ARHGEF3: variants seen among roughly 807,000 people sequenced by gnomAD.
ARHGEF3 encodes Rho guanine nucleotide exchange factor 3, also known as 59.8 kDA protein.
In ARHGEF3, 28 loss-of-function variants were observed where a neutral mutation model predicts 63.2. That is an observed-to-expected ratio of 0.44 (90% CI 0.33 to 0.61). The LOEUF is 0.61. ARHGEF3 is among the 20% of genes least tolerant of loss of function. ARHGEF3 has a pLI of 0.03. For synonymous variants in ARHGEF3, 266 were observed against 254.2 expected (o/e 1.05, Z -0.44); for missense variants, 533 against 659.3 (o/e 0.81, Z 2.10).
chr3:56,988,675 G>A (rs997452814), intron 2 of ARHGEF3, among the ~76,000 whole-genome samples: 2 of 152,162 alleles, frequency 1.3e-5, no homozygotes, highest in East Asian at 3.8e-4. Context: ...TCTGGTTTTT[G>A]CAACTGTCTC....
intron 1 of ARHGEF3, among the ~76,000 whole-genome samples, chr3:56,774,074 C>T (rs1281796755): frequency 6.6e-6 from 1 of 152,146 alleles, no homozygotes; most frequent in East Asian, 1.9e-4. Context: ...CTCCTTATCC[C>T]TCACCCCCAG....
At chr3:56,785,993 C>T (rs564888743) in intron 1 of ARHGEF3, among the ~76,000 whole-genome samples, 18 of 152,264 alleles carry the variant, frequency 1.2e-4, no homozygotes, top group African/African-American at 4.3e-4. Flanking sequence ...GAAAGAAACA[C>T]AAAATATGTT....
chr3:56,859,840 G>A (rs934031822), intron 4 of ARHGEF3, among the ~76,000 whole-genome samples: 8 of 151,600 alleles, frequency 5.3e-5, no homozygotes, highest in Non-Finnish European at 8.8e-5. Flanking sequence ...ACCCAGCCCC[G>A]TTGGTACACT....
chr3:57,009,126 G>A (rs72624860), intron 2 of ARHGEF3, among the ~76,000 whole-genome samples: 22,538 of 152,258 alleles, frequency 0.15, 2,031 homozygotes, highest in East Asian at 0.34. Context: ...CTGGCCCTGT[G>A]AGCCTCAAGT....
In ARHGEF3 at chr3:56,733,484, GA is replaced by G. The variant is rs202134427; in HGVS notation, c.1042-1061del. Among the ~76,000 whole-genome samples, 660 of 150,216 alleles carry G rather than the reference GA, an allele frequency of 4.4e-3. 2 individuals carry two copies. The highest frequency in any genetic ancestry group is 0.015 in the African/African-American group (626 of 40,854). ...GAGCAAGACTGTTTAAAAAAAAAAA[GA>G]AAAAAATTCTAAAAGATCAAAATTA... On this transcript the variant is annotated intron_variant, in intron 8 of 9. Transcript: ENST00000296315.
At chr3:56,880,220 G>C (rs2040721997) in intron 4 of ARHGEF3, among the ~76,000 whole-genome samples, 1 of 152,208 alleles carries the variant, frequency 6.6e-6, no homozygotes, top group Non-Finnish European at 1.5e-5. Context: ...CCTAAGCATA[G>C]GGATCGGCCA....
chr3:56,939,448 A>C (rs561580810), intron 3 of ARHGEF3, among the ~76,000 whole-genome samples: 38 of 152,350 alleles, frequency 2.5e-4, no homozygotes, highest in African/African-American at 9.1e-4. Flanking sequence ...ATTTCAATGA[A>C]CAGTCATCAA....
At chr3:57,027,773 C>A (rs187148689) in intron 2 of ARHGEF3, among the ~76,000 whole-genome samples, 2 of 152,040 alleles carry the variant, frequency 1.3e-5, no homozygotes, top group Admixed American at 6.6e-5. Flanking sequence ...GCAGGAGAAT[C>A]GCTTGAACCT....
In ARHGEF3 at chr3:57,042,678, ATATATATATATATATATATATATT is replaced by A. The variant is rs1261679941; in HGVS notation, c.-27-7526_-27-7503del. ...TATATATATATATATATATATATAT[ATATATATATATATATATATATATT>A]TTTTTTTTTTTTTAGACGGAGTCTC... On this transcript the variant is annotated intron_variant, in intron 1 of 12. Transcript: ENST00000338458. Among the ~76,000 whole-genome samples, 29 of 28,820 alleles carry A rather than the reference ATATATATATATATATATATATATT, an allele frequency of 1.0e-3. 3 individuals carry two copies. The highest frequency in any genetic ancestry group is 7.1e-3 in the African/African-American group (26 of 3,684). 18.9% of individuals were successfully genotyped at this position (28,820 alleles called of 152,430 possible).
At chr3:56,995,144 G>A (rs562198630) in intron 2 of ARHGEF3, among the ~76,000 whole-genome samples, 1 of 152,176 alleles carries the variant, frequency 6.6e-6, no homozygotes, top group African/African-American at 2.4e-5. Context: ...ATAGCAGTGT[G>A]AAAATGGACT....
chr3:57,045,384 T>A (rs1000369171), intron 1 of ARHGEF3, among the ~76,000 whole-genome samples: 1 of 152,222 alleles, frequency 6.6e-6, no homozygotes, highest in African/African-American at 2.4e-5. Context: ...AGCATGCTTA[T>A]GGATTCATGG....
chr3:56,905,051 T>C (rs1184262352), intron 3 of ARHGEF3, among the ~76,000 whole-genome samples: 1 of 152,218 alleles, frequency 6.6e-6, no homozygotes, highest in East Asian at 1.9e-4. Context: ...CCTTTGAGCC[T>C]CAGCCTTCCT....
In ARHGEF3 at chr3:56,827,133, T is replaced by C. The variant is rs572790252; in HGVS notation, c.193-53317A>G. On this transcript the variant is annotated intron_variant, in intron 4 of 12. Transcript: ENST00000338458. ...CTAAAATATAAAAAGATAAAATCAC[T>C]TTAAACACTTTTACATGGCAAACAA... is the stretch of plus-strand genomic sequence containing the variant. Among the ~76,000 whole-genome samples, 11 of 152,278 alleles carry C rather than the reference T, an allele frequency of 7.2e-5. No individual in the cohort carries two copies. The East Asian group carries it at 1.7e-3, about 24-fold the overall frequency.
intron 1 of ARHGEF3, among the ~76,000 whole-genome samples, chr3:56,792,125 A>AAAGAG (rs1177276026): frequency 3.4e-5 from 5 of 145,404 alleles, no homozygotes; most frequent in Non-Finnish European, 7.5e-5. Context: ...AAAGAAAAGA[A>AAAGAG]AAGAAAAGAA....
intron 4 of ARHGEF3, among the ~76,000 whole-genome samples, chr3:56,870,050 T>G (rs1488898833): frequency 6.6e-6 from 1 of 152,166 alleles, no homozygotes; most frequent in Admixed American, 6.5e-5. Flanking sequence ...AACACTGTTA[T>G]TTAAATGAAG....
rs189550085 is a variant in ARHGEF3, at chr3:56,752,201, G to A, written c.439-805C>T. 6.3e-4 allele frequency among the ~76,000 whole-genome samples: 96 copies of A among 151,580 alleles called. 1 individual carries two copies. The highest frequency in any genetic ancestry group is 2.2e-3 in the African/African-American group (92 of 41,308). On this transcript the variant is annotated intron_variant, in intron 4 of 9. Coordinates refer to ENST00000296315, the MANE Select transcript of ARHGEF3 (RefSeq NM_019555.3). ...CTCCCAAAGTGCTGGGATTACAGGCGTGAGCCACAGCACCCAGCCTAATTT... is the reference window on the plus strand; with the variant it reads ...CTCCCAAAGTGCTGGGATTACAGGCATGAGCCACAGCACCCAGCCTAATTT...
chr3:57,078,950 G>T (rs115071469), intron 1 of ARHGEF3: 41,416 of 314,850 alleles, frequency 0.13, 2,892 homozygotes, highest in South Asian at 0.16. Flanking sequence ...CGAGGCTGGC[G>T]GTGGCACTGC....
At chr3:57,029,896 G>A (rs1703660891) in intron 2 of ARHGEF3, among the ~76,000 whole-genome samples, 1 of 152,140 alleles carries the variant, frequency 6.6e-6, no homozygotes, top group Non-Finnish European at 1.5e-5. Context: ...AACCTCTGGA[G>A]GGTGGGGGAA....
intron 3 of ARHGEF3, among the ~76,000 whole-genome samples, chr3:56,947,933 A>C (rs1189142442): frequency 1.3e-5 from 2 of 152,242 alleles, no homozygotes; most frequent in East Asian, 1.9e-4. Context: ...ACTGTCTCTC[A>C]GACCACAGTG....
Sources: gnomAD v4.1 joint callset for allele counts (sites outside exome capture counted in the v4.1 genomes callset) on GRCh38, gnomAD v4.1.1 for gene constraint, MANE v1.5 for transcripts, NCBI Gene and HGNC (gene_info 2026-07-23, HGNC 2026-07-21) for gene names.